Variants in ESRP1 observed in about 807,000 individuals in gnomAD.
ESRP1 encodes epithelial splicing regulatory protein 1.
In ESRP1, 33 loss-of-function variants were observed where a neutral mutation model predicts 81.7. That is an observed-to-expected ratio of 0.40 (90% CI 0.31 to 0.54). The LOEUF (loss-of-function observed/expected upper bound fraction) is 0.54. Among genes scored for constraint, ESRP1 ranks in the 20% least tolerant of loss-of-function variants. The pLI is 0.41. For synonymous variants in ESRP1, 320 were observed against 303.3 expected (o/e 1.06, Z -0.57); for missense variants, 672 against 833.1 (o/e 0.81, Z 2.38).
At position 94,681,325 on chromosome 8, in the gene ESRP1, C is replaced by CAAAAAAAAAAAAAAAAAAA. The variant is rs1171703394; in HGVS notation, c.1820+2964_1820+2982dup. On this transcript the variant is annotated intron_variant, in intron 13 of 15. Coordinates refer to ENST00000433389, the MANE Select transcript of ESRP1 (RefSeq NM_017697.4). ...TGGGTGACAGAGCAAGACTCCATCT[C>CAAAAAAAAAAAAAAAAAAA]AAAAAAAAAAAAAAAAAAAAAAAAA... Among the ~76,000 whole-genome samples the CAAAAAAAAAAAAAAAAAAA allele has an allele frequency of 6.4e-5, 2 of 31,266 alleles. 1 individual carries two copies. The highest frequency in any genetic ancestry group is 1.1e-4 in the Non-Finnish European group (2 of 17,836). The allele number at this position is 31,266 out of a possible 152,430, so 20.5% of individuals were successfully genotyped here. A position where few individuals can be genotyped will look rare whatever the true frequency, so the allele number is the denominator to read the frequency against.
intron 3 of ESRP1, among the ~76,000 whole-genome samples, chr8:94,644,273 G>C (rs1031483270): frequency 6.6e-6 from 1 of 152,092 alleles, no homozygotes; most frequent in Non-Finnish European, 1.5e-5. Context: ...TTTTTATTGT[G>C]GTAGGCAGGC....
At chr8:94,673,805 A>G (rs1230271974) in intron 11 of ESRP1, among the ~76,000 whole-genome samples, 8 of 152,130 alleles carry the variant, frequency 5.3e-5, no homozygotes, top group African/African-American at 1.4e-4. Flanking sequence ...CCTAGGTCTC[A>G]GGGATGAGGG....
At chr8:94,702,793 C>A (rs1259755981) in intron 15 of ESRP1, among the ~76,000 whole-genome samples, 2 of 152,078 alleles carry the variant, frequency 1.3e-5, no homozygotes, top group African/African-American at 4.8e-5. Flanking sequence ...TTCAAGTGAG[C>A]CTTTTACCTT....
chr8:94,646,507 G>A (rs997667834), intron 4 of ESRP1: 3 of 393,788 alleles, frequency 7.6e-6, no homozygotes, highest in African/African-American at 6.3e-5. Context: ...TTTTTGGTGG[G>A]GTGATCACAT....
chr8:94,675,758 G>A (rs986895672), intron 12 of ESRP1, among the ~76,000 whole-genome samples: 2 of 151,942 alleles, frequency 1.3e-5, no homozygotes, highest in Non-Finnish European at 2.9e-5. Flanking sequence ...CCTCCTCCTG[G>A]TCATTACAGA....
At chr8:94,673,468 TA>T (rs974527401) in intron 11 of ESRP1, among the ~76,000 whole-genome samples, 1 of 152,188 alleles carries the variant, frequency 6.6e-6, no homozygotes, top group African/African-American at 2.4e-5. Flanking sequence ...TCACAGTCCT[TA>T]AGAGACTTAT....
chr8:94,689,038 G>A (rs1166095042), intron 13 of ESRP1, among the ~76,000 whole-genome samples: 1 of 152,086 alleles, frequency 6.6e-6, no homozygotes, highest in African/African-American at 2.4e-5. Flanking sequence ...ATCACTTGAA[G>A]CCAGTAGTTT....
In ESRP1 at chr8:94,695,069, A is replaced by G. The variant is rs1465293158; in HGVS notation, c.1972-1783A>G. Reference sequence around the variant, plus strand: ...TATTTTCTACCGTCTTGAAGAGTACATGCCTTCTTGTTTCGTGTTCTCAGT... The same window carrying G: ...TATTTTCTACCGTCTTGAAGAGTACGTGCCTTCTTGTTTCGTGTTCTCAGT... On this transcript the variant is annotated intron_variant, in intron 14 of 15. Transcript: ENST00000433389. Among the ~76,000 whole-genome samples, 3 of 152,260 alleles carry G rather than the reference A, an allele frequency of 2.0e-5. No homozygotes were observed. In the East Asian group the frequency reaches 5.8e-4, roughly 29 times the overall value.
chr8:94,704,357 A>C (rs1809970385), intron 15 of ESRP1, among the ~76,000 whole-genome samples: 1 of 152,134 alleles, frequency 6.6e-6, no homozygotes, highest in African/African-American at 2.4e-5. Flanking sequence ...ATGTAATCTC[A>C]GCACTTTACA....
chr8:94,663,292 C>CT (rs1461941321), intron 6 of ESRP1, among the ~76,000 whole-genome samples: 1 of 152,142 alleles, frequency 6.6e-6, no homozygotes, highest in Non-Finnish European at 1.5e-5. Context: ...TGTTGCCCAG[C>CT]TGGAATATCG....
Position 94,660,439 on chromosome 8 carries a change from T to TA in ESRP1, c.491-1827dup, listed in dbSNP as rs1027297243. 2.7e-5 allele frequency among the ~76,000 whole-genome samples: 4 copies of TA among 147,604 alleles called. No homozygotes were observed. In the South Asian group the frequency reaches 8.7e-4, roughly 32 times the overall value. On this transcript the variant is annotated intron_variant, in intron 4 of 15. Transcript: ENST00000433389. ...CAACATGGTGAAACCCCATCTCTACTAAAAAATACAAAAATGAGGTCGGGT... is the reference window on the plus strand; with the variant it reads ...CAACATGGTGAAACCCCATCTCTACTAAAAAAATACAAAAATGAGGTCGGGT...
chr8:94,693,472 T>G (rs1209807207), intron 14 of ESRP1, among the ~76,000 whole-genome samples: 1 of 152,244 alleles, frequency 6.6e-6, no homozygotes, highest in Non-Finnish European at 1.5e-5. Flanking sequence ...TAAGAGTTCT[T>G]TAACAGTGAA....
chr8:94,673,172 A>T (rs1365204), intron 11 of ESRP1, among the ~76,000 whole-genome samples: 5,521 of 152,124 alleles, frequency 0.036, 150 homozygotes, highest in Non-Finnish European at 0.05. Flanking sequence ...CACTGGTAGC[A>T]GTTCTTTTGA....
At chr8:94,641,485 TG>T in intron 1 of ESRP1, 35 bp downstream of exon 1, 1 of 1,613,284 alleles carries the variant, frequency 6.2e-7, no homozygotes, top group Non-Finnish European at 8.5e-7. Context: ...ATGCAAGGAA[TG>T]GGGCAAGAAG....
chr8:94,703,602 A>G (rs1011440170), intron 15 of ESRP1, among the ~76,000 whole-genome samples: 2 of 152,216 alleles, frequency 1.3e-5, no homozygotes, highest in African/African-American at 4.8e-5. Context: ...ATTTCCTAGT[A>G]TAAATGTGAT....
chr8:94,652,737 C>T (rs77794449), intron 4 of ESRP1, among the ~76,000 whole-genome samples: 1 of 152,026 alleles, frequency 6.6e-6, no homozygotes, highest in South Asian at 2.1e-4. Flanking sequence ...TTATTAAGAT[C>T]TTATTTTTCT....
At chr8:94,686,103 AT>A (rs1329860592) in intron 13 of ESRP1, among the ~76,000 whole-genome samples, 1 of 151,910 alleles carries the variant, frequency 6.6e-6, no homozygotes, top group Non-Finnish European at 1.5e-5. Flanking sequence ...TAATTTTTGT[AT>A]TTTTAGTAGA....
At chr8:94,692,372 GA>G (rs1049852034) in intron 13 of ESRP1, among the ~76,000 whole-genome samples, 1 of 152,120 alleles carries the variant, frequency 6.6e-6, no homozygotes, top group African/African-American at 2.4e-5. Context: ...CTGGGCCTCG[GA>G]AGTGGTGCTT....
chr8:94,686,655 A>G (rs762019217), intron 13 of ESRP1, among the ~76,000 whole-genome samples: 23 of 152,200 alleles, frequency 1.5e-4, no homozygotes, highest in Non-Finnish European at 3.1e-4. Flanking sequence ...CTATGGTCCT[A>G]TCAATTTTTG....
Sources: allele counts gnomAD v4.1 joint callset (sites outside exome capture counted in the v4.1 genomes callset), GRCh38; gene constraint gnomAD v4.1.1; transcripts MANE v1.5; gene names NCBI Gene and HGNC (gene_info 2026-07-23, HGNC 2026-07-21).